The following PTPRG variants were observed in gnomAD, a reference collection of about 807,000 sequenced individuals.
The protein encoded by PTPRG is receptor-type tyrosine-protein phosphatase gamma.
In PTPRG, 102 loss-of-function variants were observed where a neutral mutation model predicts 165.3. The observed-to-expected ratio is 0.62, with a 90% CI of 0.53 to 0.73. PTPRG has a LOEUF of 0.73. Ranked by LOEUF, PTPRG falls within the 30% of genes least tolerant of loss-of-function variation. PTPRG has a pLI of 0.00. For missense variants in PTPRG, 1,866 were observed against 1,861.4 expected (o/e 1.00, Z -0.05); for synonymous variants, 675 against 669.5 (o/e 1.01, Z -0.13).
At chr3:61,828,931 G>A (rs185707991) in intron 2 of PTPRG, among the ~76,000 whole-genome samples, 10 of 152,200 alleles carry the variant, frequency 6.6e-5, no homozygotes, top group African/African-American at 2.4e-4. Context: ...GACTGATTCT[G>A]TACCCAGAAG....
chr3:61,908,319 G>A (rs973566587), intron 2 of PTPRG, among the ~76,000 whole-genome samples: 5 of 150,412 alleles, frequency 3.3e-5, no homozygotes, highest in Non-Finnish European at 5.9e-5. Context: ...CCAGCTACTC[G>A]GGAGGCTGAG....
chr3:61,852,088 G>A (rs1297524354), intron 2 of PTPRG, among the ~76,000 whole-genome samples: 1 of 152,092 alleles, frequency 6.6e-6, no homozygotes, highest in East Asian at 1.9e-4. Context: ...AATATTTTGA[G>A]TTCTTTTGGA....
chr3:61,710,535 A>G (rs112390471), intron 1 of PTPRG, among the ~76,000 whole-genome samples: 111 of 152,306 alleles, frequency 7.3e-4, no homozygotes, highest in African/African-American at 2.5e-3. Flanking sequence ...GGCCCAGGGC[A>G]GCATGTACCC....
rs1484538400 is a variant in PTPRG at position 62,292,569 on chromosome 3, C to T, written c.4191+13C>T. The T allele has an allele frequency of 1.2e-6, 2 of 1,611,676 alleles. No homozygotes were observed. Among genetic ancestry groups the T allele is most frequent in the Non-Finnish European group, 1.7e-6 (2 of 1,178,808 alleles). On this transcript the variant is annotated intron_variant, in intron 29 of 29. Transcript: ENST00000474889. The stretch of plus-strand genomic sequence containing the variant: ...ATTCACAGACATTGTAAGTAGTTTG[C>T]TTATGTGTAAAACCTGTACTACATC...
At chr3:61,945,358 G>C (rs1559705178) in intron 2 of PTPRG, among the ~76,000 whole-genome samples, 1 of 151,920 alleles carries the variant, frequency 6.6e-6, no homozygotes, top group Admixed American at 6.6e-5. Context: ...TCAGGAGTTC[G>C]AGACGAGCCT....
At chr3:61,881,948 T>C (rs774962278) in intron 2 of PTPRG, among the ~76,000 whole-genome samples, 2 of 152,236 alleles carry the variant, frequency 1.3e-5, no homozygotes, top group Non-Finnish European at 2.9e-5. Flanking sequence ...CCAGTCATCA[T>C]GTATATAACT....
rs554664328 is a variant in PTPRG at position 61,759,263 on chromosome 3, T to C, written c.190+10281T>C. Among the ~76,000 whole-genome samples, 5 of 152,340 alleles carry C rather than the reference T, an allele frequency of 3.3e-5. No homozygotes were observed. In the East Asian group the frequency reaches 9.6e-4, roughly 29 times the overall value. ...ATAACTTGTGTAGGTTAAAAACTTA[T>C]CAGTGGTGTGTATATAACATAGAAC... On this transcript the variant is annotated intron_variant, in intron 2 of 29. Coordinates refer to ENST00000474889, the MANE Select transcript of PTPRG (RefSeq NM_002841.4).
chr3:62,230,658 C>A (rs1700880927), intron 13 of PTPRG, among the ~76,000 whole-genome samples: 1 of 152,216 alleles, frequency 6.6e-6, no homozygotes, highest in South Asian at 2.1e-4. Flanking sequence ...TTGCCAACTG[C>A]TGTTCCCATC....
At chr3:61,889,890 A>G (rs1258688418) in intron 2 of PTPRG, among the ~76,000 whole-genome samples, 3 of 152,196 alleles carry the variant, frequency 2.0e-5, no homozygotes, top group Admixed American at 6.5e-5. Context: ...AAAAACACCA[A>G]CTTATAATAC....
intron 1 of PTPRG, among the ~76,000 whole-genome samples, chr3:61,710,149 T>C (rs367908253): frequency 1.3e-5 from 2 of 152,162 alleles, no homozygotes; most frequent in Non-Finnish European, 2.9e-5. Context: ...CGGAAAACTT[T>C]TGTTTTGATG....
At chr3:61,572,023 G>C (rs1484307992) in intron 1 of PTPRG, among the ~76,000 whole-genome samples, 1 of 152,180 alleles carries the variant, frequency 6.6e-6, no homozygotes, top group African/African-American at 2.4e-5. Context: ...AGGCAGTTTG[G>C]AAGGGTTATG....
At chr3:61,870,330 T>A (rs1279427448) in intron 2 of PTPRG, among the ~76,000 whole-genome samples, 4 of 151,224 alleles carry the variant, frequency 2.6e-5, no homozygotes, top group Non-Finnish European at 5.9e-5. Context: ...TTTTTTTTTT[T>A]TTGGAGACGG....
intron 21 of PTPRG, 76 bp from the exon 22 acceptor site, chr3:62,272,870 G>A: frequency 5.7e-6 from 8 of 1,398,130 alleles, no homozygotes; most frequent in Middle Eastern, 1.9e-4. Context: ...ATGGGGTTTA[G>A]ATTGGAATTT....
Position 62,219,089 on chromosome 3 carries a change from G to A in PTPRG, c.2288+106G>A. ...CCTCTGCATTCAGGAAGGTGAGGTA[G>A]CTTAAGTGTTTCTGGTCTTGCCACC... On this transcript the variant is annotated intron_variant, in intron 13 of 29. Transcript: ENST00000474889. The surrounding 1 kb of genome is among the most constrained non-coding windows in gnomAD (Gnocchi z 4.5). 1 of 1,447,764 alleles carries A rather than the reference G, an allele frequency of 6.9e-7. No individual in the cohort carries two copies. The highest frequency in any genetic ancestry group is 9.3e-7 in the Non-Finnish European group (1 of 1,070,602). 89.7% of individuals were successfully genotyped at this position (1,447,764 alleles called of 1,614,324 possible). A position where few individuals can be genotyped will look rare whatever the true frequency, so the allele number is the denominator to read the frequency against.
At chr3:62,128,529 G>A (rs574986221) in intron 5 of PTPRG, among the ~76,000 whole-genome samples, 2 of 151,694 alleles carry the variant, frequency 1.3e-5, no homozygotes, top group Admixed American at 6.6e-5. Context: ...TCAAGTGTTA[G>A]GTCAACTTGT....
At chr3:61,785,302 C>T (rs1423013000) in intron 2 of PTPRG, among the ~76,000 whole-genome samples, 3 of 152,080 alleles carry the variant, frequency 2.0e-5, no homozygotes, top group Non-Finnish European at 2.9e-5. Context: ...TAAAATGAAA[C>T]GTGCAATTTA....
At chr3:61,599,694 A>G (rs1700796343) in intron 1 of PTPRG, among the ~76,000 whole-genome samples, 4 of 150,282 alleles carry the variant, frequency 2.7e-5, no homozygotes, top group East Asian at 4.0e-4. Flanking sequence ...GGGTTTTGCT[A>G]TGTCACCCAG....
intron 1 of PTPRG, among the ~76,000 whole-genome samples, chr3:61,679,442 C>A (rs1703351787): frequency 6.6e-6 from 1 of 152,090 alleles, no homozygotes; most frequent in South Asian, 2.1e-4. Context: ...TGACCCTGGT[C>A]AGTACATGCA....
chr3:61,998,221 T>A (rs923188995), intron 3 of PTPRG, among the ~76,000 whole-genome samples: 1 of 152,150 alleles, frequency 6.6e-6, no homozygotes, highest in Non-Finnish European at 1.5e-5. Context: ...AATTCCTTAT[T>A]TAAGATGTGA....
Sources: allele counts gnomAD v4.1 joint callset (sites outside exome capture counted in the v4.1 genomes callset), GRCh38; gene constraint gnomAD v4.1.1; non-coding constraint Gnocchi (gnomAD v3.1); transcripts MANE v1.5; gene names NCBI Gene and HGNC (gene_info 2026-07-23, HGNC 2026-07-21).